POFUT2: variants seen among roughly 807,000 people sequenced by gnomAD.
POFUT2 encodes the protein GDP-fucose protein O-fucosyltransferase 2.
In POFUT2, 30 loss-of-function variants were observed where a neutral mutation model predicts 55.0. That is an observed-to-expected ratio of 0.55 (90% CI 0.41 to 0.74). POFUT2 has a LOEUF of 0.74. Ranked by LOEUF, POFUT2 falls within the 30% of genes least tolerant of loss-of-function variation. POFUT2 has a pLI of 0.00. For missense variants in POFUT2, 524 were observed against 562.6 expected (o/e 0.93, Z 0.69); for synonymous variants, 267 against 231.1 (o/e 1.16, Z -1.41).
chr21:45,265,421 C>A lies in POFUT2; in HGVS notation c.*61G>T. The A allele has an allele frequency of 6.8e-7, 1 of 1,469,964 alleles. No homozygotes were observed. 91.1% of individuals were successfully genotyped at this position (1,469,964 alleles called of 1,614,324 possible). ...CTGGCAGTAGACGGTGACTCCACGG[C>A]GACAGAACCTGCATCCACCCGCGCC... is the stretch of plus-strand genomic sequence containing the variant. On this transcript the variant is annotated 3_prime_UTR_variant, in exon 9 of 9. Coordinates refer to ENST00000349485, the MANE Select transcript of POFUT2 (RefSeq NM_133635.6). This position sits in a 1 kb window ranked among gnomAD's most constrained non-coding sequence, Gnocchi z 4.6.
chr21:45,265,868 C>T lies in POFUT2; in HGVS notation c.1137-233G>A, dbSNP rs1424385811. 1.5e-6 allele frequency: 2 copies of T among 1,371,392 alleles called. No homozygotes were observed. The highest frequency in any genetic ancestry group is 1.5e-5 in the African/African-American group (1 of 68,178). 85.0% of individuals were successfully genotyped at this position (1,371,392 alleles called of 1,614,324 possible). A position where few individuals can be genotyped will look rare whatever the true frequency, so the allele number is the denominator to read the frequency against. ...CTCTGCCTGGTGCTGCAGCCCCATC[C>T]ACACCCCACAGTCAGCAGCCGCCAC... On this transcript the variant is annotated intron_variant, in intron 8 of 8. Coordinates refer to ENST00000349485, the MANE Select transcript of POFUT2 (RefSeq NM_133635.6). The surrounding 1 kb of genome is among the most constrained non-coding windows in gnomAD (Gnocchi z 4.6).
intron 8 of POFUT2, chr21:45,266,814 A>T (rs1468114487): frequency 1.0e-6 from 1 of 998,010 alleles, no homozygotes; most frequent in African/African-American, 1.7e-5. Context: ...ACAGAGACGC[A>T]CGCGTGTGCA....
Position 45,277,356 on chromosome 21 carries a change from C to A in POFUT2, c.706-214G>T, listed in dbSNP as rs968114681. 1.2e-4 allele frequency: 72 copies of A among 588,058 alleles called. No homozygotes were observed. In the African/African-American group the frequency reaches 1.3e-3, roughly 11 times the overall value. 36.4% of individuals were successfully genotyped at this position (588,058 alleles called of 1,614,324 possible). A position where few individuals can be genotyped will look rare whatever the true frequency, so the allele number is the denominator to read the frequency against. On this transcript the variant is annotated intron_variant, in intron 5 of 8. Transcript: ENST00000349485. This position sits in a 1 kb window ranked among gnomAD's most constrained non-coding sequence, Gnocchi z 6.9. ...GCCAACGCAGGGCAAGCCGCCCACC[C>A]CTGCCGGCTCTGCCAGCCCCTGCCG...
rs2031193365 is a variant in POFUT2, at chr21:45,284,833, AGCAGACTTTCTG to A, written c.382+833_382+844del. Among the ~76,000 whole-genome samples the A allele has an allele frequency of 6.6e-6, 1 of 152,258 alleles. No homozygotes were observed. The highest frequency in any genetic ancestry group is 2.1e-4 in the South Asian group (1 of 4,838). On this transcript the variant is annotated intron_variant, in intron 2 of 8. Coordinates refer to ENST00000349485, the MANE Select transcript of POFUT2 (RefSeq NM_133635.6). The surrounding 1 kb of genome is among the most constrained non-coding windows in gnomAD (Gnocchi z 5.8). ...CACTCCAGGAATGCTTTTTACAAGC[AGCAGACTTTCTG>A]ACTTGGTATCAACAAGGATGTTGGA...
At position 45,281,443 on chromosome 21, in the gene POFUT2, G is replaced by A. The variant is rs989327638; in HGVS notation, c.638+906C>T. ...AGTTCTGTCTGCAACAGCCGGGCTG[G>A]CTGAGCAGCAGACACGCGGGCCTGT... On this transcript the variant is annotated intron_variant, in intron 4 of 8. Transcript: ENST00000349485. This position sits in a 1 kb window ranked among gnomAD's most constrained non-coding sequence, Gnocchi z 5.0. Among the ~76,000 whole-genome samples, 2 of 152,178 alleles carry A rather than the reference G, an allele frequency of 1.3e-5. No individual in the cohort carries two copies. The highest frequency in any genetic ancestry group is 4.8e-5 in the African/African-American group (2 of 41,454).
At position 45,287,828 on chromosome 21, in the gene POFUT2, G is replaced by A. The variant is rs2031653937; in HGVS notation, c.44C>T (p.Ser15Phe). The A allele has an allele frequency of 6.7e-7, 1 of 1,483,966 alleles. No homozygotes were observed. The highest frequency in any genetic ancestry group is 9.0e-7 in the Non-Finnish European group (1 of 1,111,604). 91.9% of individuals were successfully genotyped at this position (1,483,966 alleles called of 1,614,324 possible). ...SFVFLLLGAVSWPPASASGQE... is the reference protein window; with the variant it reads ...SFVFLLLGAVFWPPASASGQE... Reference sequence around the variant, plus strand: ...GCCGGAGGCAGAAGCCGGAGGCCAGGACACTGCCCCCAGCAGCAGGAAGAC... The same window carrying A: ...GCCGGAGGCAGAAGCCGGAGGCCAGAACACTGCCCCCAGCAGCAGGAAGAC... The change falls in exon 1 of 9, where the codon TCC becomes TTC. Residue 15 changes from serine to phenylalanine, a missense_variant. Physicochemically the swap from Ser to Phe is radical, Grantham distance 155. Around this residue, in one of 2 missense-constraint regions of POFUT2, gnomAD observed 274 missense variants for 244.4 expected, o/e 1.12. Coordinates refer to ENST00000349485, the MANE Select transcript of POFUT2 (RefSeq NM_133635.6).
At position 45,264,332 on chromosome 21, in the gene POFUT2, A is replaced by G. The variant is rs890295723; in HGVS notation, c.*1150T>C. On this transcript the variant is annotated 3_prime_UTR_variant, in exon 9 of 9. Coordinates refer to ENST00000349485, the MANE Select transcript of POFUT2 (RefSeq NM_133635.6). ...ACCTGACTGAGGGTCACACGACACC[A>G]TGGTGGAAAGTCACAAAGGGTAACG... 1 of 152,310 alleles carries G rather than the reference A, an allele frequency of 6.6e-6. No homozygotes were observed. Among genetic ancestry groups the G allele is most frequent in the African/African-American group, 2.4e-5 (1 of 41,466 alleles). The allele number at this position is 152,310 out of a possible 1,614,324, so 9.4% of individuals were successfully genotyped here. A position where few individuals can be genotyped will look rare whatever the true frequency, so the allele number is the denominator to read the frequency against.
intron 4 of POFUT2, among the ~76,000 whole-genome samples, chr21:45,280,179 A>G (rs977257091): frequency 6.6e-6 from 1 of 152,104 alleles, no homozygotes; most frequent in Non-Finnish European, 1.5e-5. Flanking sequence ...CGCTTCACAC[A>G]CTTGCTCTGC....
chr21:45,287,679 C>T, intron 1 of POFUT2, 62 bp downstream of exon 1: 3 of 458,128 alleles, frequency 6.5e-6, no homozygotes, highest in Non-Finnish European at 3.4e-6. Context: ...CCGCCCCCAT[C>T]CCATCCTCTG....
Position 45,265,633 on chromosome 21 carries a change from A to T in POFUT2, c.1139T>A (p.Phe380Tyr). The T allele has an allele frequency of 6.2e-7, 1 of 1,612,626 alleles. No individual in the cohort carries two copies. ...IDQWICAHAR[F>Y]FIGTSVSTFS... ...TGTTGAGACTGAGGTGCCAATAAAA[A>T]ACCTGCAAAGGATCACAGAGGTTCC... The change falls in exon 9 of 9, where the codon TTT becomes TAT. Residue 380 changes from phenylalanine to tyrosine, a missense_variant and splice_region_variant. This residue lies in a region of POFUT2 where 250 missense variants were observed against 318.2 expected (regional missense o/e 0.79). Transcript: ENST00000349485. The surrounding 1 kb of genome is among the most constrained non-coding windows in gnomAD (Gnocchi z 4.6).
rs555051027 is a variant in POFUT2, at chr21:45,279,372, G to A, written c.639-1203C>T. ...ATCGCGCCACTGCACTCCAGCCTGG[G>A]CAACAGAGCAAGACTCAGTCTCAAA... On this transcript the variant is annotated intron_variant, in intron 4 of 8. Coordinates refer to ENST00000349485, the MANE Select transcript of POFUT2 (RefSeq NM_133635.6). Among the ~76,000 whole-genome samples the A allele has an allele frequency of 2.2e-3, 342 of 152,132 alleles. 2 individuals carry two copies. Among genetic ancestry groups the A allele is most frequent in the African/African-American group, 8.0e-3 (332 of 41,496 alleles).
intron 5 of POFUT2, 84 bp downstream of exon 5, chr21:45,278,019 G>A: frequency 9.4e-7 from 1 of 1,068,764 alleles, no homozygotes; most frequent in South Asian, 1.3e-5. Flanking sequence ...TTCAAAAAGA[G>A]CTGTCGACTG....
rs2029935701 is a variant in POFUT2 at position 45,277,519 on chromosome 21, G to C, written c.706-377C>G. The C allele has an allele frequency of 3.4e-6, 1 of 294,578 alleles. No individual in the cohort carries two copies. Among genetic ancestry groups the C allele is most frequent in the Admixed American group, 4.8e-5 (1 of 20,682 alleles). 18.2% of individuals were successfully genotyped at this position (294,578 alleles called of 1,614,324 possible). A position where few individuals can be genotyped will look rare whatever the true frequency, so the allele number is the denominator to read the frequency against. ...TAGCACATCCTGCTTTGCCAAACGG[G>C]GTGGGACTGACCTGCACAAAGTCCC... On this transcript the variant is annotated intron_variant, in intron 5 of 8. Transcript: ENST00000349485. The surrounding 1 kb of genome is among the most constrained non-coding windows in gnomAD (Gnocchi z 6.9).
At position 45,267,543 on chromosome 21, in the gene POFUT2, G is replaced by A; in HGVS notation, c.1136+47C>T. 2 of 1,614,174 alleles carry A rather than the reference G, an allele frequency of 1.2e-6. No homozygotes were observed. The highest frequency in any genetic ancestry group is 1.7e-6 in the Non-Finnish European group (2 of 1,180,030). ...GAGTACTTGGGACAGAAGAACCTTT[G>A]AAAGCCACCCGACCCGCTCTCGGCC... On this transcript the variant is annotated intron_variant, in intron 8 of 8. Transcript: ENST00000349485. The surrounding 1 kb of genome is among the most constrained non-coding windows in gnomAD (Gnocchi z 4.4).
At chr21:45,278,284 C>T (rs1470707112) in intron 4 of POFUT2, 115 bp from the exon 5 acceptor site, 18 of 896,780 alleles carry the variant, frequency 2.0e-5, no homozygotes, top group African/African-American at 6.5e-5. Context: ...ACCAAGTCTC[C>T]GAGGGACACT....
chr21:45,268,110 C>T (rs1484698574), intron 7 of POFUT2, among the ~76,000 whole-genome samples: 1 of 152,166 alleles, frequency 6.6e-6, no homozygotes, highest in Non-Finnish European at 1.5e-5. Context: ...TCTCCTGCCT[C>T]AGCCTGCCGA....
In POFUT2 at chr21:45,283,434, C is replaced by T. The variant is rs766663094; in HGVS notation, c.476G>A (p.Arg159Gln). 1.6e-5 allele frequency: 26 copies of T among 1,613,534 alleles called. No homozygotes were observed. The highest frequency in any genetic ancestry group is 2.2e-5 in the East Asian group (1 of 44,880). ...EGTWEEKVDE[R>Q]PCIDQLLYSQ... is the part of the protein sequence containing the mutation. Reference sequence around the variant, plus strand: ...GTACAGGAGCTGATCAATACACGGCCGCTCGTCCACCTTCTCTTCCCAGGT... The same window carrying T: ...GTACAGGAGCTGATCAATACACGGCTGCTCGTCCACCTTCTCTTCCCAGGT... Residue 159 changes from arginine (R) to glutamine (Q), a missense_variant, in exon 3 of 9, where the codon CGG (arginine) becomes CAG (glutamine). Physicochemically the swap from Arg to Gln is conservative, Grantham distance 43 (BLOSUM62 1). Transcript: ENST00000349485.
At position 45,282,110 on chromosome 21, in the gene POFUT2, G is replaced by A. The variant is rs1408672678; in HGVS notation, c.638+239C>T. ...CTCCCTGTGCACCTGGCCGGGCCGA[G>A]CCCTCACCTCTGTGCCCCTCACCCG... On this transcript the variant is annotated intron_variant, in intron 4 of 8. Transcript: ENST00000349485. This position sits in a 1 kb window ranked among gnomAD's most constrained non-coding sequence, Gnocchi z 4.6. Among the ~76,000 whole-genome samples, 3 of 152,114 alleles carry A rather than the reference G, an allele frequency of 2.0e-5. No individual in the cohort carries two copies. The highest frequency in any genetic ancestry group is 4.4e-5 in the Non-Finnish European group (3 of 67,978).
chr21:45,282,298 G>A lies in POFUT2; in HGVS notation c.638+51C>T, dbSNP rs1030213275. On this transcript the variant is annotated intron_variant, in intron 4 of 8. Transcript: ENST00000349485. The surrounding 1 kb of genome is among the most constrained non-coding windows in gnomAD (Gnocchi z 4.6). ...GAGAGCCCCCAGCCCAGCATGCACG[G>A]AGCAGACGCCACAGCCTCCAGGCTG... The A allele has an allele frequency of 1.4e-5, 16 of 1,180,948 alleles. No individual in the cohort carries two copies. The highest frequency in any genetic ancestry group is 3.0e-5 in the African/African-American group (2 of 66,578). 73.2% of individuals were successfully genotyped at this position (1,180,948 alleles called of 1,614,324 possible). A position where few individuals can be genotyped will look rare whatever the true frequency, so the allele number is the denominator to read the frequency against.
Sources: allele counts gnomAD v4.1 joint callset (sites outside exome capture counted in the v4.1 genomes callset), GRCh38; gene constraint gnomAD v4.1.1; regional missense constraint gnomAD v4.1.1; non-coding constraint Gnocchi (gnomAD v3.1); transcripts MANE v1.5; gene names NCBI Gene and HGNC (gene_info 2026-07-23, HGNC 2026-07-21).